PIK3C2A: variants seen among roughly 807,000 people sequenced by gnomAD.
PIK3C2A encodes phosphatidylinositol-4-phosphate 3-kinase catalytic subunit type 2 alpha, also known as phosphatidylinositol 4-phosphate 3-kinase C2 domain-containing subunit alpha.
In PIK3C2A, 97 loss-of-function variants were observed where a neutral mutation model predicts 204.5. The observed-to-expected ratio is 0.47, with a 90% CI of 0.40 to 0.56. PIK3C2A has a LOEUF of 0.56. Ranked by LOEUF, PIK3C2A falls within the 20% of genes least tolerant of loss-of-function variation. The pLI is 0.00. For missense variants in PIK3C2A, 1,735 were observed against 1,969.2 expected (o/e 0.88, Z 2.25); for synonymous variants, 653 against 664.4 (o/e 0.98, Z 0.26).
intron 19 of PIK3C2A, among the ~76,000 whole-genome samples, chr11:17,116,484 G>A (rs1849195579): frequency 6.6e-6 from 1 of 152,242 alleles, no homozygotes; most frequent in East Asian, 1.9e-4. Flanking sequence ...ATAATTCTAT[G>A]ATTCCCCAAA....
rs1848963084 is a variant in PIK3C2A at position 17,110,466 on chromosome 11, T to C, written c.3510A>G (p.Val1170=). Residue 1170 remains valine (V), a synonymous_variant, in exon 22 of 33, where the codon GTA becomes GTG. Transcript: ENST00000691414. ...TGCCAGTTGAGAGACATTTGAAAAT[T>C]ACCATCCTCAGATCTAGTCCTTCTT... ...WLKEGLDLRM[V]IFKCLSTGRD... is the part of the protein sequence containing the mutation. 3.7e-6 allele frequency: 6 copies of C among 1,611,574 alleles called. No individual in the cohort carries two copies. Among genetic ancestry groups the C allele is most frequent in the Admixed American group, 1.7e-5 (1 of 59,818 alleles).
At position 17,131,605 on chromosome 11, in the gene PIK3C2A, T is replaced by C. The variant is rs568799976; in HGVS notation, c.2231+311A>G. On this transcript the variant is annotated intron_variant, in intron 12 of 32. Coordinates refer to ENST00000691414, the MANE Select transcript of PIK3C2A (RefSeq NM_002645.4). ...CCCGGCTAATTTTTTGTATTTTTAGTAGAGACGGGGTTTCACCGTGTTAAC... is the reference window on the plus strand; with the variant it reads ...CCCGGCTAATTTTTTGTATTTTTAGCAGAGACGGGGTTTCACCGTGTTAAC... 1.1e-4 allele frequency among the ~76,000 whole-genome samples: 16 copies of C among 152,180 alleles called. 1 individual carries two copies. Among genetic ancestry groups the C allele is most frequent in the Middle Eastern group, 6.8e-3 (2 of 294 alleles).
chr11:17,095,838 A>G (rs1210982585), intron 27 of PIK3C2A, among the ~76,000 whole-genome samples: 1 of 151,336 alleles, frequency 6.6e-6, no homozygotes, highest in East Asian at 1.9e-4. Context: ...GAATTGCTTG[A>G]ACCTGGGAGG....
At chr11:17,199,280 G>GA (rs1465174404) in intron 1 of PIK3C2A, among the ~76,000 whole-genome samples, 1 of 152,144 alleles carries the variant, frequency 6.6e-6, no homozygotes, top group Non-Finnish European at 1.5e-5. Flanking sequence ...GCTGCTAAGG[G>GA]AATGTAAAAT....
At chr11:17,093,653 G>A (rs972889615) in intron 28 of PIK3C2A, among the ~76,000 whole-genome samples, 3 of 150,158 alleles carry the variant, frequency 2.0e-5, no homozygotes, top group African/African-American at 7.4e-5. Flanking sequence ...TTTTTGGGGG[G>A]GGGGGACAGG....
At chr11:17,111,897 A>T (rs1226698816) in intron 21 of PIK3C2A, among the ~76,000 whole-genome samples, 25 of 151,144 alleles carry the variant, frequency 1.7e-4, no homozygotes, top group African/African-American at 5.8e-4. Flanking sequence ...AAAAAAAAAA[A>T]AAAATTCAAA....
chr11:17,182,668 A>G (rs1015942842), intron 1 of PIK3C2A, among the ~76,000 whole-genome samples: 5 of 152,080 alleles, frequency 3.3e-5, no homozygotes, highest in African/African-American at 1.2e-4. Flanking sequence ...TCATTTGCCA[A>G]TCTAGAGGCT....
intron 1 of PIK3C2A, 44 bp from the exon 2 acceptor site, chr11:17,169,850 A>G (rs1230023407): frequency 1.6e-5 from 12 of 753,346 alleles, no homozygotes; most frequent in African/African-American, 3.5e-5. Flanking sequence ...ATTTCTAAAC[A>G]TAAATATATT....
chr11:17,164,990 AC>A (rs1850899471), intron 2 of PIK3C2A, among the ~76,000 whole-genome samples: 1 of 152,106 alleles, frequency 6.6e-6, no homozygotes, highest in African/African-American at 2.4e-5. Context: ...TGGGTGTCAC[AC>A]CCCTGCCCCA....
chr11:17,122,748 C>T lies in PIK3C2A; in HGVS notation c.2465G>A (p.Gly822Glu). ...WTSSHTNSVP[G>E]TVTKKGYVME... ...GACATATCCTTTTTTGGTAACTGTT[C>T]CAGGAACAGAATTTGTATGTGATGA... The change falls in exon 14 of 33, where the codon GGA (glycine) becomes GAA (glutamate). Residue 822 changes from glycine to glutamate, a missense_variant. Coordinates refer to ENST00000691414, the MANE Select transcript of PIK3C2A (RefSeq NM_002645.4). The T allele has an allele frequency of 1.9e-6, 3 of 1,573,802 alleles. No individual in the cohort carries two copies. Among genetic ancestry groups the T allele is most frequent in the African/African-American group, 1.3e-5 (1 of 74,158 alleles).
chr11:17,112,205 ACT>A (rs1325915515), intron 21 of PIK3C2A, among the ~76,000 whole-genome samples: 1 of 152,144 alleles, frequency 6.6e-6, no homozygotes, highest in Non-Finnish European at 1.5e-5. Context: ...TAATCCCAGC[ACT>A]CTGGGAGGCC....
chr11:17,195,758 A>G (rs1852130498), intron 1 of PIK3C2A, among the ~76,000 whole-genome samples: 2 of 128,954 alleles, frequency 1.6e-5, no homozygotes, highest in Admixed American at 8.1e-5. Flanking sequence ...AAAAAAAAGG[A>G]GCCCCGCGCG....
chr11:17,099,216 A>G (rs926281521), intron 26 of PIK3C2A, among the ~76,000 whole-genome samples: 2 of 152,170 alleles, frequency 1.3e-5, no homozygotes, highest in East Asian at 3.9e-4. Context: ...TTTTAAAGCA[A>G]TAACAAATTC....
At chr11:17,193,716 C>T (rs1221433558) in intron 1 of PIK3C2A, among the ~76,000 whole-genome samples, 5 of 151,004 alleles carry the variant, frequency 3.3e-5, no homozygotes, top group Admixed American at 1.3e-4. Context: ...CATGATGGCG[C>T]GCGTCTGTAG....
At chr11:17,114,831 T>C (rs112173550) in intron 19 of PIK3C2A, among the ~76,000 whole-genome samples, 267 of 152,316 alleles carry the variant, frequency 1.8e-3, no homozygotes, top group African/African-American at 6.2e-3. Flanking sequence ...TACACAGGTG[T>C]AGCTTCTTTT....
chr11:17,146,297 T>C (rs74926361), intron 6 of PIK3C2A, among the ~76,000 whole-genome samples: 142 of 152,278 alleles, frequency 9.3e-4, no homozygotes, highest in African/African-American at 2.9e-3. Flanking sequence ...AGAAAACAGA[T>C]GGAGGTCATT....
chr11:17,113,402 G>A (rs1849062464), intron 20 of PIK3C2A, among the ~76,000 whole-genome samples: 1 of 151,996 alleles, frequency 6.6e-6, no homozygotes, highest in Non-Finnish European at 1.5e-5. Flanking sequence ...TGTGATGTGA[G>A]ACCTCCATTC....
At position 17,142,198 on chromosome 11, in the gene PIK3C2A, C is replaced by T. The variant is rs143332597; in HGVS notation, c.1704+3470G>A. Among the ~76,000 whole-genome samples the T allele has an allele frequency of 1.4e-4, 21 of 152,220 alleles. No homozygotes were observed. The East Asian group carries it at 2.9e-3, about 21-fold the overall frequency. On this transcript the variant is annotated intron_variant, in intron 8 of 32. Coordinates refer to ENST00000691414, the MANE Select transcript of PIK3C2A (RefSeq NM_002645.4). ...GAGATGTCAATTAATTAGATATTCA[C>T]ATAAAGATGTCAAGTAATAGATATT... is the stretch of plus-strand genomic sequence containing the variant.
At chr11:17,190,083 C>A (rs1356717652) in intron 1 of PIK3C2A, among the ~76,000 whole-genome samples, 1 of 151,538 alleles carries the variant, frequency 6.6e-6, no homozygotes, top group Non-Finnish European at 1.5e-5. Flanking sequence ...TGCAACATGG[C>A]GAAACCCCAT....
Sources: allele counts gnomAD v4.1 joint callset (sites outside exome capture counted in the v4.1 genomes callset), GRCh38; gene constraint gnomAD v4.1.1; transcripts MANE v1.5; gene names NCBI Gene and HGNC (gene_info 2026-07-23, HGNC 2026-07-21).